SAMD11: variants seen among roughly 807,000 people sequenced by gnomAD.
SAMD11 encodes sterile alpha motif domain-containing protein 11.
Under a neutral mutation model 64.4 loss-of-function variants are expected in SAMD11, and 77 were observed. The ratio of observed to expected loss-of-function variants is 1.20; its 90% CI spans 0.99 to 1.44. SAMD11 has a LOEUF of 1.44. SAMD11 is among the 40% of genes most tolerant of loss of function. SAMD11 has a pLI of 0.00. For synonymous variants in SAMD11, 658 were observed against 421.9 expected, an observed-to-expected ratio of 1.56 and a Z score of -6.86; for missense variants, 1,402 against 943.3, an observed-to-expected ratio of 1.49 and a Z score of -6.37.
At chr1:940,297 C>CCCCCG (rs1491408502) in intron 7 of SAMD11, 11 of 5,680 alleles carry the variant, frequency 1.9e-3, no homozygotes, top group Non-Finnish European at 2.4e-3. Flanking sequence ...CGCGCCGCCG[C>CCCCCG]CCCCCCCCCC....
intron 2 of SAMD11, among the ~76,000 whole-genome samples, chr1:928,242 A>T (rs960309423): frequency 6.6e-6 from 1 of 152,058 alleles, no homozygotes; most frequent in African/African-American, 2.4e-5. Flanking sequence ...AATACAAAAA[A>T]TTAGCCGGGC....
At chr1:942,097 G>A in intron 8 of SAMD11, 39 bp from the exon 9 acceptor site, 2 of 615,834 alleles carry the variant, frequency 3.2e-6, no homozygotes, top group Admixed American at 3.8e-5. Context: ...ACGGGAACGG[G>A]GGCGGGGGGG....
intron 5 of SAMD11, among the ~76,000 whole-genome samples, chr1:936,129 G>A (rs1375034006): frequency 6.6e-6 from 1 of 152,226 alleles, no homozygotes; most frequent in East Asian, 1.9e-4. Context: ...GGAGTAGCCG[G>A]GGCCCTGCCA....
Position 944,123 on chromosome 1 carries a change from G to C in SAMD11, c.2505G>C (p.Gly835=), listed in dbSNP as rs1187182572. 3.1e-6 allele frequency: 5 copies of C among 1,597,274 alleles called. No individual in the cohort carries two copies. The South Asian group carries it at 4.5e-5, about 14-fold the overall frequency. The stretch of plus-strand genomic sequence containing the variant: ...ATGGGACCTTGGCTCTACTTCCAGG[G>C]GCCCCCGACCCTTCCCAGCCTCTGT... ...QENGTLALLP[G]APDPSQPLC The change falls in exon 14 of 14, where the codon GGG becomes GGC. Residue 835 remains glycine, a synonymous_variant. Coordinates refer to ENST00000616016, the MANE Select transcript of SAMD11 (RefSeq NM_001385641.1).
At chr1:941,884 C>T (rs558973910) in intron 8 of SAMD11, among the ~76,000 whole-genome samples, 4 of 152,094 alleles carry the variant, frequency 2.6e-5, no homozygotes, top group Non-Finnish European at 4.4e-5. Context: ...GGGGAGCAGG[C>T]GGGGCCGGCG....
chr1:931,189 G>T, intron 4 of SAMD11, 100 bp downstream of exon 4: 1 of 1,062,588 alleles, frequency 9.4e-7, no homozygotes, highest in South Asian at 1.3e-5. Context: ...CTGTCTCAGC[G>T]TGAGCTGATG....
chr1:937,318 C>T (rs1430725789), intron 5 of SAMD11, among the ~76,000 whole-genome samples: 2 of 152,120 alleles, frequency 1.3e-5, no homozygotes, highest in African/African-American at 2.4e-5. Context: ...TCTGTGAGAC[C>T]CGCTGGGGTC....
intron 1 of SAMD11, 73 bp from the exon 2 acceptor site, chr1:925,849 T>C: frequency 9.5e-7 from 1 of 1,057,926 alleles, no homozygotes; most frequent in Non-Finnish European, 1.5e-6. Flanking sequence ...GGGGAGGGGG[T>C]ACTGGCCCTG....
rs376787982 is a variant in SAMD11 at position 943,020 on chromosome 1, T to C, written c.2015T>C (p.Leu672Pro). Residue 672 changes from leucine (L) to proline (P), a missense_variant, in exon 11 of 14, where the codon CTG becomes CCG. Leu to Pro is a moderately conservative substitution (Grantham distance 98). Transcript: ENST00000616016. ...CTTTTCCCAGGGTCCACACTGCCCC[T>C]GGGCTTCCCTTATGCCGTCAGCCCC... Reference protein sequence around the residue: ...KGLFPGSTLPLGFPYAVSPYF... With the variant: ...KGLFPGSTLPPGFPYAVSPYF... The C allele has an allele frequency of 7.2e-6, 11 of 1,532,804 alleles. No individual in the cohort carries two copies. Among genetic ancestry groups the C allele is most frequent in the Non-Finnish European group, 8.7e-6 (10 of 1,142,994 alleles). The allele number at this position is 1,532,804 out of a possible 1,614,324, so 95.0% of individuals were successfully genotyped here.
chr1:930,563 G>T (rs778343832), intron 3 of SAMD11, among the ~76,000 whole-genome samples: 2 of 152,234 alleles, frequency 1.3e-5, no homozygotes, highest in African/African-American at 2.4e-5. Flanking sequence ...GGCAGAGGCA[G>T]GTTGGCAGCA....
chr1:933,668 T>C (rs915556903), intron 4 of SAMD11, among the ~76,000 whole-genome samples: 1 of 152,078 alleles, frequency 6.6e-6, no homozygotes, highest in Admixed American at 6.5e-5. Context: ...ATTAGGATCA[T>C]GGAAGGGATG....
chr1:940,832 G>T (rs1270612316), intron 7 of SAMD11, among the ~76,000 whole-genome samples: 1 of 152,220 alleles, frequency 6.6e-6, no homozygotes, highest in Non-Finnish European at 1.5e-5. Context: ...TGCCCCGCAG[G>T]CTCTGTGGCC....
At chr1:930,102 T>A in intron 2 of SAMD11, 53 bp from the exon 3 acceptor site, 1 of 1,506,652 alleles carries the variant, frequency 6.6e-7, no homozygotes, top group South Asian at 1.3e-5. Flanking sequence ...CCTCTCCTCC[T>A]GCCCCACCTT....
chr1:930,097 C>T (rs1641099901), intron 2 of SAMD11, 58 bp from the exon 3 acceptor site: 6 of 1,507,924 alleles, frequency 4.0e-6, no homozygotes, highest in African/African-American at 1.4e-5. Flanking sequence ...ACCTTCCTCT[C>T]CTCCTGCCCC....
chr1:931,008 C>T (rs747073206), intron 3 of SAMD11, 31 bp from the exon 4 acceptor site: 9 of 1,609,216 alleles, frequency 5.6e-6, no homozygotes, highest in Admixed American at 1.7e-5. Context: ...GCCTCCAGAG[C>T]AACATGGACC....
At position 927,750 on chromosome 1, in the gene SAMD11, A is replaced by G. The variant is rs376747791; in HGVS notation, c.609+1737A>G. Among the ~76,000 whole-genome samples, 98 of 152,348 alleles carry G rather than the reference A, an allele frequency of 6.4e-4. No homozygotes were observed. In the East Asian group the frequency reaches 0.015, roughly 23 times the overall value. On this transcript the variant is annotated intron_variant, in intron 2 of 13. Coordinates refer to ENST00000616016, the MANE Select transcript of SAMD11 (RefSeq NM_001385641.1). ...GCACCTTCCAAGAGGAGGTGCTGTC[A>G]GGGGCCGAGTTTTCAGATCTGTGTG...
At position 944,320 on chromosome 1, in the gene SAMD11, G is replaced by A. The variant is rs774685381; in HGVS notation, c.*167G>A. 6.5e-6 allele frequency: 9 copies of A among 1,389,926 alleles called. No homozygotes were observed. The highest frequency in any genetic ancestry group is 8.3e-6 in the Non-Finnish European group (9 of 1,079,104). The allele number at this position is 1,389,926 out of a possible 1,614,324, so 86.1% of individuals were successfully genotyped here. A position where few individuals can be genotyped will look rare whatever the true frequency, so the allele number is the denominator to read the frequency against. ...AGGAACAAATTTTCAAAGACTTGGG[G>A]GAGTGAAGGCAGAGCCTGGTGCAGA... On this transcript the variant is annotated 3_prime_UTR_variant, in exon 14 of 14. Transcript: ENST00000616016.
intron 5 of SAMD11, 36 bp downstream of exon 5, chr1:935,932 G>A (rs554619828): frequency 1.9e-6 from 3 of 1,601,368 alleles, no homozygotes; most frequent in East Asian, 4.5e-5. Flanking sequence ...CGGGGTCGGG[G>A]CTGTGGGGCC....
chr1:943,607 C>T (rs749174342), intron 12 of SAMD11, 91 bp from the exon 13 acceptor site: 39 of 1,351,302 alleles, frequency 2.9e-5, no homozygotes, highest in Non-Finnish European at 3.6e-5. Context: ...AAAAAATTTC[C>T]GTGAGCTGCA....
Sources: gnomAD v4.1 joint callset for allele counts (sites outside exome capture counted in the v4.1 genomes callset) on GRCh38, gnomAD v4.1.1 for gene constraint, MANE v1.5 for transcripts, NCBI Gene and HGNC (gene_info 2026-07-23, HGNC 2026-07-21) for gene names.